The following ZBTB7C variants were observed in gnomAD, a reference collection of about 807,000 sequenced individuals.
ZBTB7C encodes zinc finger and BTB domain containing 7C.
In ZBTB7C, 8 loss-of-function variants were observed where a neutral mutation model predicts 25.7. The ratio of observed to expected loss-of-function variants is 0.31; its 90% confidence interval spans 0.18 to 0.56. ZBTB7C has a LOEUF of 0.56. ZBTB7C is among the 20% of genes least tolerant of loss of function. ZBTB7C has a pLI of 0.91. For missense variants in ZBTB7C, 824 were observed against 855.2 expected, an observed-to-expected ratio of 0.96 and a Z score of 0.46; for synonymous variants, 394 against 369.0, an observed-to-expected ratio of 1.07 and a Z score of -0.78.
At chr18:48,268,305 T>C (rs183806389) in intron 2 of ZBTB7C, among the ~76,000 whole-genome samples, 65 of 152,324 alleles carry the variant, frequency 4.3e-4, no homozygotes, top group South Asian at 1.9e-3. Flanking sequence ...TTGTTTAAAA[T>C]GGCAAGACAA....
intron 2 of ZBTB7C, among the ~76,000 whole-genome samples, chr18:48,291,069 C>T (rs1281544529): frequency 6.6e-6 from 1 of 152,246 alleles, no homozygotes. Context: ...TTAGGTACCA[C>T]AGAACCTTCT....
chr18:48,261,583 C>G (rs2044173349), intron 2 of ZBTB7C, among the ~76,000 whole-genome samples: 1 of 152,190 alleles, frequency 6.6e-6, no homozygotes, highest in Non-Finnish European at 1.5e-5. Flanking sequence ...GAAGGATACC[C>G]CTGATTCCCA....
At chr18:48,388,968 C>G (rs943268928) in intron 1 of ZBTB7C, among the ~76,000 whole-genome samples, 4 of 152,110 alleles carry the variant, frequency 2.6e-5, no homozygotes, top group South Asian at 4.1e-4. Flanking sequence ...TGTTCTGTAT[C>G]GTCTTGTTTA....
At chr18:48,377,907 C>T (rs558367675) in intron 1 of ZBTB7C, among the ~76,000 whole-genome samples, 1 of 152,268 alleles carries the variant, frequency 6.6e-6, no homozygotes, top group African/African-American at 2.4e-5. Context: ...CACGGTGGCT[C>T]ACGCCTGTAA....
chr18:48,239,359 A>G (rs1371626481), intron 2 of ZBTB7C, among the ~76,000 whole-genome samples: 2 of 152,200 alleles, frequency 1.3e-5, no homozygotes, highest in Non-Finnish European at 2.9e-5. Flanking sequence ...TGCTCCCTTG[A>G]AAGTGCTACC....
chr18:48,107,810 G>A (rs989628351), intron 3 of ZBTB7C, among the ~76,000 whole-genome samples: 1 of 152,138 alleles, frequency 6.6e-6, no homozygotes, highest in African/African-American at 2.4e-5. Context: ...ATGGCGCCTA[G>A]GAGAACTCCA....
At chr18:48,378,171 T>C (rs192322818) in intron 1 of ZBTB7C, among the ~76,000 whole-genome samples, 7 of 152,240 alleles carry the variant, frequency 4.6e-5, no homozygotes, top group Admixed American at 3.3e-4. Context: ...GCAGTCTGCT[T>C]AGGAAAGTTA....
In ZBTB7C at chr18:48,095,614, A is replaced by G. The variant is rs555284638; in HGVS notation, c.-16-54491T>C. ...GTCATCCTAGCTACTCCAGAGGCTG[A>G]GGCAGGAGAATCACTTGAACCTGGG... is the stretch of plus-strand genomic sequence containing the variant. On this transcript the variant is annotated intron_variant, in intron 3 of 4. Transcript: ENST00000590800. Among the ~76,000 whole-genome samples, 20 of 152,288 alleles carry G rather than the reference A, an allele frequency of 1.3e-4. No homozygotes were observed. In the East Asian group the frequency reaches 1.5e-3, roughly 12 times the overall value.
chr18:48,252,529 C>T (rs1417971415), intron 2 of ZBTB7C: 1 of 152,292 alleles, frequency 6.6e-6, no homozygotes, highest in African/African-American at 2.4e-5. Flanking sequence ...TCCCTGCCTT[C>T]ACTTTCTGCA....
chr18:48,060,578 G>A lies in ZBTB7C; in HGVS notation c.-16-19455C>T, dbSNP rs557155211. Among the ~76,000 whole-genome samples, 5 of 151,962 alleles carry A rather than the reference G, an allele frequency of 3.3e-5. No individual in the cohort carries two copies. In the South Asian group the frequency reaches 6.2e-4, roughly 19 times the overall value. ...CCACCAGCCTGGCCTTGCCCATTCC[G>A]CCTCCTCAGCTAAAATGCCGTCCCC... On this transcript the variant is annotated intron_variant, in intron 3 of 4. Transcript: ENST00000590800.
chr18:48,136,808 G>T (rs937274187), intron 3 of ZBTB7C, among the ~76,000 whole-genome samples: 21 of 152,182 alleles, frequency 1.4e-4, no homozygotes, highest in Non-Finnish European at 2.6e-4. Context: ...CTTTGCGGAC[G>T]CCGCCACCCG....
rs139080007 is a variant in ZBTB7C, at chr18:48,338,837, C to T, written c.-303-439G>A. On this transcript the variant is annotated intron_variant, in intron 1 of 4. Coordinates refer to ENST00000590800, the MANE Select transcript of ZBTB7C (RefSeq NM_001318841.2). ...AGATGTATATAGAAGTGCAAGGACA[C>T]GTTTATGTGGAACATTCCTTAACTC... 5.4e-3 allele frequency among the ~76,000 whole-genome samples: 817 copies of T among 150,788 alleles called. 5 individuals carry two copies. The highest frequency in any genetic ancestry group is 0.019 in the African/African-American group (790 of 41,182).
chr18:48,065,391 C>A (rs1408901484), intron 3 of ZBTB7C, among the ~76,000 whole-genome samples: 1 of 151,886 alleles, frequency 6.6e-6, no homozygotes, highest in African/African-American at 2.4e-5. Flanking sequence ...AGTATAGAAA[C>A]CTGTTTAACT....
At position 48,389,009 on chromosome 18, in the gene ZBTB7C, C is replaced by G. The variant is rs183187475; in HGVS notation, c.-304+20217G>C. 8.5e-4 allele frequency among the ~76,000 whole-genome samples: 129 copies of G among 152,278 alleles called. 1 individual carries two copies. The highest frequency in any genetic ancestry group is 1.5e-3 in the Non-Finnish European group (101 of 68,022). On this transcript the variant is annotated intron_variant, in intron 1 of 4. Coordinates refer to ENST00000590800, the MANE Select transcript of ZBTB7C (RefSeq NM_001318841.2). ...TTAAGTTGACCTCTCCTCTGCCCCC[C>G]AGTCTTTATTTGGACCAGGTTCCAC...
chr18:48,399,094 A>T (rs2048099229), intron 1 of ZBTB7C, among the ~76,000 whole-genome samples: 1 of 152,240 alleles, frequency 6.6e-6, no homozygotes, highest in African/African-American at 2.4e-5. Flanking sequence ...GATATCTCCA[A>T]GACGTTAAGT....
In ZBTB7C at chr18:48,236,472, C is replaced by T. The variant is rs148070059; in HGVS notation, c.-78-50477G>A. 2.0e-3 allele frequency among the ~76,000 whole-genome samples: 303 copies of T among 152,332 alleles called. 1 individual carries two copies. Among genetic ancestry groups the T allele is most frequent in the African/African-American group, 6.9e-3 (285 of 41,568 alleles). On this transcript the variant is annotated intron_variant, in intron 2 of 4. Coordinates refer to ENST00000590800, the MANE Select transcript of ZBTB7C (RefSeq NM_001318841.2). ...GTTCAAGAACTCAACAAAGGCACCA[C>T]CTAAAACCCACGCTAGCCTTAGGGA...
chr18:48,305,615 T>C (rs1175115002), intron 2 of ZBTB7C, among the ~76,000 whole-genome samples: 2 of 152,150 alleles, frequency 1.3e-5, no homozygotes, highest in African/African-American at 4.8e-5. Context: ...TGTTAGGTAA[T>C]AATGCATTAT....
intron 3 of ZBTB7C, among the ~76,000 whole-genome samples, chr18:48,043,849 A>G (rs2036360352): frequency 6.6e-6 from 1 of 152,242 alleles, no homozygotes; most frequent in African/African-American, 2.4e-5. Flanking sequence ...ACCTAAAGCC[A>G]CTAATCAATC....
intron 2 of ZBTB7C, among the ~76,000 whole-genome samples, chr18:48,199,852 C>T (rs899522516): frequency 6.6e-6 from 1 of 152,162 alleles, no homozygotes; most frequent in Non-Finnish European, 1.5e-5. Context: ...CCAAGAAGTT[C>T]CAGGCTTGGA....
Sources: allele counts gnomAD v4.1 joint callset (sites outside exome capture counted in the v4.1 genomes callset), GRCh38; gene constraint gnomAD v4.1.1; transcripts MANE v1.5; gene names NCBI Gene and HGNC (gene_info 2026-07-23, HGNC 2026-07-21).